SH3GL1: variants seen among roughly 807,000 people sequenced by gnomAD.
SH3GL1 encodes the protein endophilin-A2.
A neutral mutation model predicts 48.8 loss-of-function variants in SH3GL1; 21 were observed. The ratio of observed to expected loss-of-function variants is 0.43; its 90% CI spans 0.30 to 0.62. The LOEUF (loss-of-function observed/expected upper bound fraction) is 0.62, where lower values mean the gene tolerates loss of function less well. Among genes scored for constraint, SH3GL1 ranks in the 20% least tolerant of loss-of-function variants. The probability of loss-of-function intolerance (pLI) is 0.11; values close to 1 mark genes in which losing one functional copy is unlikely to be tolerated. For synonymous variants in SH3GL1, 282 were observed against 217.5 expected, an observed-to-expected ratio of 1.30 and a Z score of -2.61; for missense variants, 454 against 503.0, an observed-to-expected ratio of 0.90 and a Z score of 0.93.
intron 9 of SH3GL1, among the ~76,000 whole-genome samples, 156 bp from the exon 10 acceptor site, chr19:4,361,952 C>T (rs116801056): frequency 0.024 from 3,641 of 151,960 alleles, 141 homozygotes; most frequent in African/African-American, 0.084. Context: ...TTCTGGGGTC[C>T]GGCCTCTACT....
intron 1 of SH3GL1, among the ~76,000 whole-genome samples, chr19:4,374,682 C>T (rs750573871): frequency 7.2e-5 from 11 of 152,362 alleles, no homozygotes; most frequent in African/African-American, 1.7e-4. Context: ...CTGCCCTTCC[C>T]GTGCTGTGGC....
At chr19:4,364,585 C>T in intron 4 of SH3GL1, 1 of 279,452 alleles carries the variant, frequency 3.6e-6, no homozygotes, top group South Asian at 3.8e-5. Context: ...GGCCTGCCAC[C>T]ACATCCAGCT....
At chr19:4,362,763 C>G (rs372233351) in intron 7 of SH3GL1, 27 bp from the exon 8 acceptor site, 3 of 1,613,254 alleles carry the variant, frequency 1.9e-6, no homozygotes, top group Non-Finnish European at 1.7e-6. Context: ...GTGAGTGGAC[C>G]GAGCCCGTGT....
chr19:4,364,419 A>G, intron 4 of SH3GL1, 198 bp from the exon 5 acceptor site: 1 of 613,340 alleles, frequency 1.6e-6, no homozygotes, highest in Non-Finnish European at 2.9e-6. Flanking sequence ...ACAGGCGTTC[A>G]CCCCCACACC....
rs369473172 is a variant in SH3GL1, at chr19:4,397,967, C to T, written c.45+2357G>A. 3.9e-5 allele frequency among the ~76,000 whole-genome samples: 6 copies of T among 152,290 alleles called. No homozygotes were observed. In the East Asian group the frequency reaches 9.7e-4, roughly 24 times the overall value. On this transcript the variant is annotated intron_variant, in intron 1 of 9. Coordinates refer to ENST00000269886, the MANE Select transcript of SH3GL1 (RefSeq NM_003025.4). ...GCTCAAGTGGTCCTCCTGCCTCAGC[C>T]TCCCAAGTAGCTGGGACTGCAGGTG...
At chr19:4,370,772 T>C (rs535896427) in intron 1 of SH3GL1, among the ~76,000 whole-genome samples, 1 of 152,358 alleles carries the variant, frequency 6.6e-6, no homozygotes, top group Non-Finnish European at 1.5e-5. Context: ...AAGTGAGGTT[T>C]GGCCAACCCT....
intron 1 of SH3GL1, among the ~76,000 whole-genome samples, chr19:4,384,819 G>C (rs192459528): frequency 6.6e-6 from 1 of 152,312 alleles, no homozygotes. Context: ...CTAAAAGTAG[G>C]GTGAGCAGGT....
In SH3GL1 at chr19:4,370,316, C is replaced by T. The variant is rs867748504; in HGVS notation, c.46-3322G>A. 5.3e-5 allele frequency among the ~76,000 whole-genome samples: 8 copies of T among 152,322 alleles called. No individual in the cohort carries two copies. In the South Asian group the frequency reaches 6.2e-4, roughly 12 times the overall value. On this transcript the variant is annotated intron_variant, in intron 1 of 9. Transcript: ENST00000269886. ...CTGGCTGTAGCCCTGACTAGTGCAGCGGACTCAGCAGTGGCAATGACAGCT... is the reference window on the plus strand; with the variant it reads ...CTGGCTGTAGCCCTGACTAGTGCAGTGGACTCAGCAGTGGCAATGACAGCT...
chr19:4,399,862 A>G (rs1031072140), intron 1 of SH3GL1, among the ~76,000 whole-genome samples: 1 of 152,214 alleles, frequency 6.6e-6, no homozygotes, highest in African/African-American at 2.4e-5. Context: ...CGAGGAGCAG[A>G]GAGGGGAAAC....
intron 4 of SH3GL1, chr19:4,364,755 T>G: frequency 6.4e-6 from 1 of 156,734 alleles, no homozygotes; most frequent in Non-Finnish European, 1.4e-5. Flanking sequence ...TTGTTTTGTT[T>G]TTTCATAGTC....
chr19:4,385,191 C>T (rs1043369969), intron 1 of SH3GL1, among the ~76,000 whole-genome samples: 3 of 152,038 alleles, frequency 2.0e-5, no homozygotes, highest in African/African-American at 7.2e-5. Flanking sequence ...CACAACCCTG[C>T]GTGTTTTGGC....
rs186948120 is a variant in SH3GL1, at chr19:4,366,377, C to T, written c.187+124G>A. On this transcript the variant is annotated intron_variant, in intron 3 of 9. Transcript: ENST00000269886. ...AGCACCAAGGATGGCCTCTGCACTC[C>T]GGGATCCAGCTGTGCCTGAAGCCCA... 461 of 742,796 alleles carry T rather than the reference C, an allele frequency of 6.2e-4. 4 individuals are homozygous for T. The highest frequency in any genetic ancestry group is 5.0e-3 in the South Asian group (316 of 62,748). 46.0% of individuals were successfully genotyped at this position (742,796 alleles called of 1,614,324 possible). A position where few individuals can be genotyped will look rare whatever the true frequency, so the allele number is the denominator to read the frequency against.
At chr19:4,390,823 A>G (rs879277446) in intron 1 of SH3GL1, among the ~76,000 whole-genome samples, 46 of 151,906 alleles carry the variant, frequency 3.0e-4, no homozygotes, top group Admixed American at 5.9e-4. Context: ...AAAGAGAAAC[A>G]TGGAGGCCGC....
At position 4,365,440 on chromosome 19, in the gene SH3GL1, CTCCAGGGACGGTGGGCGTGGCT is replaced by C. The variant is rs780647157; in HGVS notation, c.331+20_331+41del. On this transcript the variant is annotated intron_variant, in intron 4 of 9. Transcript: ENST00000269886. ...TGCCCTGCCTGTGTTGAGGTGTGGC[CTCCAGGGACGGTGGGCGTGGCT>C]TCCAGAGAGCACCACTCACCAAAGT... 1.7e-5 allele frequency: 28 copies of C among 1,611,622 alleles called. No individual in the cohort carries two copies. The highest frequency in any genetic ancestry group is 1.5e-4 in the Admixed American group (9 of 59,992).
At chr19:4,378,827 C>G (rs1196971261) in intron 1 of SH3GL1, among the ~76,000 whole-genome samples, 1 of 152,210 alleles carries the variant, frequency 6.6e-6, no homozygotes, top group East Asian at 1.9e-4. Context: ...CCAGGGGTTT[C>G]ACCTCCGCCC....
chr19:4,383,486 A>C (rs926532823), intron 1 of SH3GL1, among the ~76,000 whole-genome samples: 1 of 151,880 alleles, frequency 6.6e-6, no homozygotes, highest in Non-Finnish European at 1.5e-5. Flanking sequence ...CTCCTGCCTC[A>C]GCCTTCCAAA....
chr19:4,366,648 C>T (rs557712109), intron 2 of SH3GL1, 75 bp from the exon 3 acceptor site: 52 of 1,365,944 alleles, frequency 3.8e-5, no homozygotes, highest in Middle Eastern at 2.0e-4. Flanking sequence ...GCTGCTGCAC[C>T]GCCTCCTGCC....
Position 4,383,380 on chromosome 19 carries a change from A to T in SH3GL1, c.46-16386T>A, listed in dbSNP as rs567392758. On this transcript the variant is annotated intron_variant, in intron 1 of 9. Coordinates refer to ENST00000269886, the MANE Select transcript of SH3GL1 (RefSeq NM_003025.4). ...CAGGCGTGCATCACCACACAGAGTT[A>T]TTTTTTTTTTTATTTTTTATTTTTT... Among the ~76,000 whole-genome samples the T allele has an allele frequency of 6.7e-4, 99 of 146,966 alleles. 1 individual carries two copies. The Middle Eastern group carries it at 0.01, about 15-fold the overall frequency.
intron 1 of SH3GL1, among the ~76,000 whole-genome samples, chr19:4,380,848 A>G (rs1045594246): frequency 6.6e-6 from 1 of 152,154 alleles, no homozygotes; most frequent in Non-Finnish European, 1.5e-5. Flanking sequence ...GAGGCCAGGG[A>G]ACAACTTCTG....
Sources: gnomAD v4.1 joint callset for allele counts (sites outside exome capture counted in the v4.1 genomes callset) on GRCh38, gnomAD v4.1.1 for gene constraint, MANE v1.5 for transcripts, NCBI Gene and HGNC (gene_info 2026-07-23, HGNC 2026-07-21) for gene names.